Variants in FBXL7 observed in about 807,000 individuals in gnomAD.
FBXL7 encodes the protein F-box and leucine rich repeat protein 7.
Under a neutral mutation model 38.3 loss-of-function variants are expected in FBXL7, and 12 were observed. That is an observed-to-expected ratio of 0.31 (90% confidence interval 0.20 to 0.51). The LOEUF (loss-of-function observed/expected upper bound fraction) is 0.51. Ranked by LOEUF, FBXL7 falls within the 20% of genes least tolerant of loss-of-function variation. The probability of loss-of-function intolerance (pLI) is 0.98; values close to 1 mark genes in which losing one functional copy is unlikely to be tolerated. For synonymous variants in FBXL7, 297 were observed against 300.9 expected (o/e 0.99, Z 0.13); for missense variants, 567 against 676.4 (o/e 0.84, Z 1.79).
chr5:15,663,563 C>A (rs1195954807), intron 2 of FBXL7, among the ~76,000 whole-genome samples: 1 of 152,102 alleles, frequency 6.6e-6, no homozygotes, highest in African/African-American at 2.4e-5. Flanking sequence ...AGCCATTACC[C>A]TGTCTATTGA....
intron 2 of FBXL7, among the ~76,000 whole-genome samples, chr5:15,727,675 G>A (rs1050715968): frequency 2.0e-5 from 3 of 152,104 alleles, no homozygotes; most frequent in Admixed American, 2.0e-4. Flanking sequence ...TCTAAAGTTT[G>A]ATAATAATGA....
chr5:15,709,947 T>C (rs1409833258), intron 2 of FBXL7, among the ~76,000 whole-genome samples: 1 of 152,156 alleles, frequency 6.6e-6, no homozygotes, highest in Non-Finnish European at 1.5e-5. Flanking sequence ...TGTATGACAA[T>C]CACCTCCTAA....
chr5:15,603,586 T>C (rs1408403075), intron 1 of FBXL7, among the ~76,000 whole-genome samples: 2 of 152,224 alleles, frequency 1.3e-5, no homozygotes, highest in African/African-American at 2.4e-5. Flanking sequence ...TCATGGCTTA[T>C]AGCGATTTTA....
intron 2 of FBXL7, among the ~76,000 whole-genome samples, chr5:15,703,143 G>A (rs961620463): frequency 2.0e-5 from 3 of 152,204 alleles, no homozygotes; most frequent in African/African-American, 7.2e-5. Context: ...TGGGCTCAGA[G>A]GCCTGACACT....
intron 1 of FBXL7, among the ~76,000 whole-genome samples, chr5:15,572,945 G>A (rs1227011761): frequency 3.9e-5 from 6 of 152,272 alleles, no homozygotes; most frequent in South Asian, 2.1e-4. Flanking sequence ...CCCTGTAAGC[G>A]TAGAATTTTT....
At chr5:15,594,466 C>T (rs1739565267) in intron 1 of FBXL7, among the ~76,000 whole-genome samples, 1 of 152,166 alleles carries the variant, frequency 6.6e-6, no homozygotes, top group African/African-American at 2.4e-5. Context: ...GATGGGAGTA[C>T]CCATTGGCCT....
chr5:15,752,071 T>G (rs1736169128), intron 2 of FBXL7, among the ~76,000 whole-genome samples: 1 of 152,206 alleles, frequency 6.6e-6, no homozygotes, highest in Non-Finnish European at 1.5e-5. Context: ...ATCTTCAGAA[T>G]TTTAATTTCT....
chr5:15,659,157 C>T (rs1741979028), intron 2 of FBXL7, among the ~76,000 whole-genome samples: 1 of 151,932 alleles, frequency 6.6e-6, no homozygotes, highest in African/African-American at 2.4e-5. Context: ...ACTGAGTTAC[C>T]CTTATAAAAA....
chr5:15,655,026 G>T (rs1391374754), intron 2 of FBXL7, among the ~76,000 whole-genome samples: 2 of 152,198 alleles, frequency 1.3e-5, no homozygotes, highest in Non-Finnish European at 2.9e-5. Flanking sequence ...GCCCTGGCAT[G>T]TACAGAGTCC....
intron 2 of FBXL7, among the ~76,000 whole-genome samples, chr5:15,790,567 G>A (rs10520825): frequency 0.048 from 7,370 of 152,184 alleles, 204 homozygotes; most frequent in Non-Finnish European, 0.061. Flanking sequence ...AGAGGACTGC[G>A]AACCTAGTCA....
chr5:15,804,951 T>A (rs1737665562), intron 2 of FBXL7, among the ~76,000 whole-genome samples: 1 of 152,146 alleles, frequency 6.6e-6, no homozygotes, highest in South Asian at 2.1e-4. Flanking sequence ...TTCTCACAGT[T>A]CTGGGTGCCA....
At chr5:15,874,603 A>G (rs1333763596) in intron 2 of FBXL7, among the ~76,000 whole-genome samples, 1 of 152,202 alleles carries the variant, frequency 6.6e-6, no homozygotes, top group Non-Finnish European at 1.5e-5. Flanking sequence ...AAAAATCACA[A>G]CCATTCCTAT....
intron 2 of FBXL7, among the ~76,000 whole-genome samples, chr5:15,673,722 TC>T (rs1742561565): frequency 6.6e-6 from 1 of 152,148 alleles, no homozygotes; most frequent in Non-Finnish European, 1.5e-5. Context: ...CCTATGAGTA[TC>T]CCCAAGCCTG....
chr5:15,726,476 C>T (rs1055102018), intron 2 of FBXL7, among the ~76,000 whole-genome samples: 4 of 151,910 alleles, frequency 2.6e-5, no homozygotes, highest in Non-Finnish European at 5.9e-5. Flanking sequence ...AGGCAGATCA[C>T]GAGATCAGGA....
intron 1 of FBXL7, among the ~76,000 whole-genome samples, chr5:15,569,310 C>T (rs1393495408): frequency 6.6e-6 from 1 of 150,598 alleles, no homozygotes; most frequent in Non-Finnish European, 1.5e-5. Flanking sequence ...CTTCACATCC[C>T]TTGTAAGTTG....
rs999232442 is a variant in FBXL7, at chr5:15,567,674, C to A, written c.38-48309C>A. On this transcript the variant is annotated intron_variant, in intron 1 of 3. Coordinates refer to ENST00000504595, the MANE Select transcript of FBXL7 (RefSeq NM_012304.5). Reference sequence around the variant, plus strand: ...GGTTAGTTACATACGTATACATGTGCCATGTTGGTGTGCTGCACCCATTAA... The same window carrying A: ...GGTTAGTTACATACGTATACATGTGACATGTTGGTGTGCTGCACCCATTAA... 2.0e-5 allele frequency among the ~76,000 whole-genome samples: 3 copies of A among 151,818 alleles called. 1 individual carries two copies. The highest frequency in any genetic ancestry group is 6.6e-5 in the Admixed American group (1 of 15,234).
intron 2 of FBXL7, among the ~76,000 whole-genome samples, chr5:15,722,668 A>C (rs1744231535): frequency 6.6e-6 from 1 of 152,206 alleles, no homozygotes; most frequent in South Asian, 2.1e-4. Context: ...CATGTCTGTA[A>C]TCCCAGCACT....
Position 15,928,068 on chromosome 5 carries a change from G to T in FBXL7, c.306G>T (p.Arg102=), listed in dbSNP as rs1298758043. ...PPTRLTHPLI[R]LASRPQKEQA... is the part of the protein sequence containing the mutation. ...CCCGCCTCACACACCCGCTCATCCGGCTCGCCTCCAGACCCCAGAAGGAGC... is the reference window on the plus strand; with the variant it reads ...CCCGCCTCACACACCCGCTCATCCGTCTCGCCTCCAGACCCCAGAAGGAGC... Residue 102 remains arginine (R), a synonymous_variant, in exon 3 of 4, where the codon CGG becomes CGT. Transcript: ENST00000504595. This position sits in a 1 kb window ranked among gnomAD's most constrained non-coding sequence, Gnocchi z 4.0. The T allele has an allele frequency of 6.7e-7, 1 of 1,493,636 alleles. No individual in the cohort carries two copies. The highest frequency in any genetic ancestry group is 1.9e-5 in the Admixed American group (1 of 52,222). 92.5% of individuals were successfully genotyped at this position (1,493,636 alleles called of 1,614,324 possible).
intron 2 of FBXL7, among the ~76,000 whole-genome samples, chr5:15,693,690 A>G (rs1234538079): frequency 6.6e-6 from 1 of 152,192 alleles, no homozygotes; most frequent in Non-Finnish European, 1.5e-5. Flanking sequence ...ATCAAGAGGA[A>G]CACACTGGCA....
Sources: gnomAD v4.1 joint callset for allele counts (sites outside exome capture counted in the v4.1 genomes callset) on GRCh38, gnomAD v4.1.1 for gene constraint, Gnocchi (gnomAD v3.1) non-coding constraint, MANE v1.5 for transcripts, NCBI Gene and HGNC (gene_info 2026-07-23, HGNC 2026-07-21) for gene names.